Variants in ARMC8 observed in about 807,000 individuals in gnomAD.
ARMC8 encodes armadillo repeat-containing protein 8.
ARMC8 carries 20 observed loss-of-function variants against 99.3 expected under a neutral mutation model. The ratio of observed to expected loss-of-function variants is 0.20; its 90% CI spans 0.14 to 0.29. ARMC8 has a LOEUF of 0.29. Ranked by LOEUF, ARMC8 falls within the 10% of genes least tolerant of loss-of-function variation. The pLI is 1.00. For synonymous variants in ARMC8, 263 were observed against 278.3 expected, an observed-to-expected ratio of 0.95 and a Z score of 0.55; for missense variants, 569 against 809.5, an observed-to-expected ratio of 0.70 and a Z score of 3.60.
At chr3:138,241,698 A>G in intron 10 of ARMC8, 85 bp from the exon 11 acceptor site, 1 of 1,114,460 alleles carries the variant, frequency 9.0e-7, no homozygotes, top group South Asian at 1.3e-5. Context: ...TACTCCTGAT[A>G]AAAGCTATTG....
At chr3:138,259,230 T>C (rs543340857) in intron 12 of ARMC8, among the ~76,000 whole-genome samples, 1 of 152,352 alleles carries the variant, frequency 6.6e-6, no homozygotes, top group South Asian at 2.1e-4. Flanking sequence ...TGGTGCACTG[T>C]TAAACCTTCA....
At chr3:138,232,031 C>T (rs570972779) in intron 6 of ARMC8, among the ~76,000 whole-genome samples, 4 of 114,442 alleles carry the variant, frequency 3.5e-5, no homozygotes, top group Non-Finnish European at 3.3e-5. Flanking sequence ...AGTGTAGTGG[C>T]GCAATCTCGG....
At chr3:138,255,233 C>T (rs1488444684) in intron 12 of ARMC8, among the ~76,000 whole-genome samples, 5 of 134,618 alleles carry the variant, frequency 3.7e-5, no homozygotes, top group East Asian at 4.3e-4. Context: ...GATGGAGTCT[C>T]GCTCTGTTGC....
At chr3:138,188,050 G>C (rs1249377882) in intron 1 of ARMC8, 1 of 230,096 alleles carries the variant, frequency 4.3e-6, no homozygotes, top group Non-Finnish European at 8.6e-6. Context: ...CAGGCTCCTT[G>C]GCCCCCATTT....
chr3:138,239,202 G>A (rs1489709897), intron 9 of ARMC8: 1 of 346,840 alleles, frequency 2.9e-6, no homozygotes, highest in East Asian at 6.8e-5. Context: ...TCCATCATTA[G>A]GTTATTTATT....
chr3:138,211,076 AG>A (rs2044668343), intron 2 of ARMC8, among the ~76,000 whole-genome samples: 1 of 152,290 alleles, frequency 6.6e-6, no homozygotes. Context: ...TTTTTAGACT[AG>A]TTTAATTATT....
At chr3:138,277,393 G>A (rs1440028481) in intron 18 of ARMC8, among the ~76,000 whole-genome samples, 1 of 152,156 alleles carries the variant, frequency 6.6e-6, no homozygotes, top group Non-Finnish European at 1.5e-5. Flanking sequence ...AAAGAAGAAG[G>A]TAAATTGGTC....
At chr3:138,291,638 G>A (rs1195348395) in intron 21 of ARMC8, among the ~76,000 whole-genome samples, 1 of 152,210 alleles carries the variant, frequency 6.6e-6, no homozygotes, top group South Asian at 2.1e-4. Context: ...AAAGCAAGGT[G>A]AAGGAATGGA....
intron 1 of ARMC8, among the ~76,000 whole-genome samples, chr3:138,205,577 G>C (rs962404505): frequency 1.3e-5 from 2 of 152,084 alleles, no homozygotes; most frequent in African/African-American, 4.8e-5. Flanking sequence ...CCCTACTTTT[G>C]TCTTGTATTC....
intron 2 of ARMC8, among the ~76,000 whole-genome samples, chr3:138,220,542 A>C (rs948456256): frequency 1.4e-4 from 22 of 152,308 alleles, no homozygotes; most frequent in African/African-American, 5.1e-4. Flanking sequence ...TGCTTTTAGC[A>C]CATCACTAGT....
chr3:138,240,932 T>G (rs933990109), intron 10 of ARMC8, among the ~76,000 whole-genome samples: 1 of 152,094 alleles, frequency 6.6e-6, no homozygotes, highest in African/African-American at 2.4e-5. Context: ...TGCCTGTAAT[T>G]CCAGCTACTC....
In ARMC8 at chr3:138,246,358, T is replaced by TA. The variant is rs1446993695; in HGVS notation, c.1134+1177dup. ...CTATGAAAATCATTTTTGGTACATCTAAGTTTTCACTTATAAACTGTTATT... is the reference window on the plus strand; with the variant it reads ...CTATGAAAATCATTTTTGGTACATCTAAAGTTTTCACTTATAAACTGTTATT... On this transcript the variant is annotated intron_variant, in intron 12 of 21. Transcript: ENST00000469044. The TA allele has an allele frequency of 6.1e-6, 6 of 985,046 alleles. No individual in the cohort carries two copies. In the African/African-American group the frequency reaches 1.0e-4, roughly 17 times the overall value. The allele number at this position is 985,046 out of a possible 1,614,324, so 61.0% of individuals were successfully genotyped here.
chr3:138,191,396 T>G (rs1415856312), intron 1 of ARMC8, among the ~76,000 whole-genome samples: 7 of 152,218 alleles, frequency 4.6e-5, no homozygotes. Flanking sequence ...AATTATAGAT[T>G]CACAGGAAGT....
intron 1 of ARMC8, chr3:138,188,544 T>C (rs767466555): frequency 4.3e-6 from 7 of 1,614,064 alleles, no homozygotes; most frequent in Non-Finnish European, 1.7e-6. Flanking sequence ...AGTTTACCAA[T>C]GGTTCATTTG....
At chr3:138,271,157 A>G (rs573047206) in intron 16 of ARMC8, among the ~76,000 whole-genome samples, 2 of 152,318 alleles carry the variant, frequency 1.3e-5, no homozygotes, top group South Asian at 4.1e-4. Flanking sequence ...ATTATCTTCT[A>G]AGAAAGCAAC....
intron 12 of ARMC8, chr3:138,245,922 T>C (rs551513688): frequency 1.2e-5 from 12 of 985,458 alleles, no homozygotes; most frequent in South Asian, 4.7e-5. Flanking sequence ...ACACAAGGCT[T>C]TCAAGACCAT....
At chr3:138,240,967 T>C (rs902427443) in intron 10 of ARMC8, among the ~76,000 whole-genome samples, 1 of 152,160 alleles carries the variant, frequency 6.6e-6, no homozygotes, top group Non-Finnish European at 1.5e-5. Context: ...GGAGAATTGC[T>C]TGAATCCAGG....
intron 12 of ARMC8, 92 bp downstream of exon 12, chr3:138,245,275 T>G: frequency 6.2e-7 from 1 of 1,612,048 alleles, no homozygotes; most frequent in African/African-American, 1.3e-5. Context: ...GCACTAACAG[T>G]GACTGTTTGA....
chr3:138,284,636 C>T (rs2050232584), intron 19 of ARMC8, 110 bp downstream of exon 19: 2 of 778,210 alleles, frequency 2.6e-6, no homozygotes, highest in South Asian at 1.8e-5. Context: ...ATAGATTACT[C>T]TGTGACTCCT....
Sources: gnomAD v4.1 joint callset for allele counts (sites outside exome capture counted in the v4.1 genomes callset) on GRCh38, gnomAD v4.1.1 for gene constraint, MANE v1.5 for transcripts, NCBI Gene and HGNC (gene_info 2026-07-23, HGNC 2026-07-21) for gene names.